The following PRKN variants were observed in gnomAD, a reference collection of about 807,000 sequenced individuals.
PRKN encodes the protein E3 ubiquitin-protein ligase parkin.
PRKN carries 56 observed loss-of-function variants against 59.5 expected under a neutral mutation model. The ratio of observed to expected loss-of-function variants is 0.94; its 90% confidence interval spans 0.76 to 1.18. The LOEUF is 1.18. Ranked by LOEUF, PRKN falls within the 50% of genes most tolerant of loss-of-function variation. The probability of loss-of-function intolerance (pLI) is 0.00; values close to 1 mark genes in which losing one functional copy is unlikely to be tolerated. For missense variants in PRKN, 657 were observed against 596.4 expected (o/e 1.10, Z -1.06); for synonymous variants, 250 against 222.1 (o/e 1.13, Z -1.12).
chr6:162,153,620 C>T (rs1782371711), intron 4 of PRKN, among the ~76,000 whole-genome samples: 1 of 152,076 alleles, frequency 6.6e-6, no homozygotes. Context: ...GTTACCTAGA[C>T]AAATGGAAGG....
chr6:161,614,999 G>A (rs113304850), intron 7 of PRKN, among the ~76,000 whole-genome samples: 1 of 139,474 alleles, frequency 7.2e-6, no homozygotes, highest in African/African-American at 2.8e-5. Flanking sequence ...GAGAGAGAGA[G>A]AACACTGAAA....
rs1013047143 is a variant in PRKN at position 161,582,350 on chromosome 6, C to CT, written c.872-12935dup. Among the ~76,000 whole-genome samples, 1 of 152,054 alleles carries CT rather than the reference C, an allele frequency of 6.6e-6. No homozygotes were observed. The highest frequency in any genetic ancestry group is 2.4e-5 in the African/African-American group (1 of 41,414). On this transcript the variant is annotated intron_variant, in intron 7 of 11. Coordinates refer to ENST00000366898, the MANE Select transcript of PRKN (RefSeq NM_004562.3). The surrounding 1 kb of genome is among the most constrained non-coding windows in gnomAD (Gnocchi z 4.4). ...AAGTTGAAAGTTCTTCTTTGAAGAT[C>CT]TATACATTACAATGTTGGGCGCAGC...
In PRKN at chr6:161,548,391, A is replaced by G. The variant is rs371263829; in HGVS notation, c.1083+463T>C. Among the ~76,000 whole-genome samples, 6 of 152,228 alleles carry G rather than the reference A, an allele frequency of 3.9e-5. No homozygotes were observed. The highest frequency in any genetic ancestry group is 1.4e-4 in the African/African-American group (6 of 41,466). On this transcript the variant is annotated intron_variant, in intron 9 of 11. Coordinates refer to ENST00000366898, the MANE Select transcript of PRKN (RefSeq NM_004562.3). The surrounding 1 kb of genome is among the most constrained non-coding windows in gnomAD (Gnocchi z 4.2). Reference sequence around the variant, plus strand: ...CTCTACTTAAAATGATTTTTATGACATAATAACATTTCAAGTTTTCCACAT... The same window carrying G: ...CTCTACTTAAAATGATTTTTATGACGTAATAACATTTCAAGTTTTCCACAT...
At chr6:161,570,291 TATA>T (rs1780840149) in intron 7 of PRKN, among the ~76,000 whole-genome samples, 1 of 146,700 alleles carries the variant, frequency 6.8e-6, no homozygotes, top group Non-Finnish European at 1.5e-5. Flanking sequence ...TATGTAAATA[TATA>T]ATTTTATAGA....
intron 4 of PRKN, among the ~76,000 whole-genome samples, chr6:162,154,969 C>CAA (rs1156918855): frequency 0.011 from 1,300 of 116,008 alleles, 19 homozygotes; most frequent in African/African-American, 0.037. Flanking sequence ...TCAGGTGATG[C>CAA]AAAAAAAAAA....
intron 7 of PRKN, among the ~76,000 whole-genome samples, chr6:161,725,535 A>G (rs973673773): frequency 1.3e-5 from 2 of 152,226 alleles, no homozygotes; most frequent in East Asian, 1.9e-4. Context: ...TTTAAGGTAC[A>G]AATTTCAAAG....
chr6:162,298,338 G>C lies in PRKN; in HGVS notation c.172-35573C>G, dbSNP rs554325005. Among the ~76,000 whole-genome samples the C allele has an allele frequency of 1.2e-3, 179 of 152,106 alleles. 1 individual carries two copies. The highest frequency in any genetic ancestry group is 6.8e-3 in the Middle Eastern group (2 of 294). ...CCAATTCTCATTAGCTCTGGGAACA[G>C]CATTTATTCCTCTTGTCCCTAAAGA... On this transcript the variant is annotated intron_variant, in intron 2 of 11. Coordinates refer to ENST00000366898, the MANE Select transcript of PRKN (RefSeq NM_004562.3).
chr6:162,358,394 T>C (rs1468583335), intron 2 of PRKN, among the ~76,000 whole-genome samples: 3 of 152,216 alleles, frequency 2.0e-5, no homozygotes, highest in Non-Finnish European at 2.9e-5. Flanking sequence ...CTTGGTATTT[T>C]ACTGTTTGAA....
rs368368643 is a variant in PRKN, at chr6:162,289,827, G to T, written c.172-27062C>A. On this transcript the variant is annotated intron_variant, in intron 2 of 11. Transcript: ENST00000366898. ...CTCTGCTGTGGCAGCAAGACACCAA[G>T]GTGACCCTCCCAATTTCAATAGCCG... Among the ~76,000 whole-genome samples the T allele has an allele frequency of 2.3e-4, 35 of 152,246 alleles. No homozygotes were observed. In the East Asian group the frequency reaches 5.2e-3, roughly 23 times the overall value.
intron 2 of PRKN, among the ~76,000 whole-genome samples, chr6:162,383,404 C>G (rs929024097): frequency 3.3e-5 from 5 of 152,118 alleles, no homozygotes; most frequent in African/African-American, 1.2e-4. Flanking sequence ...TCTTGGGTAA[C>G]CAGCTGCATC....
intron 6 of PRKN, among the ~76,000 whole-genome samples, chr6:161,910,005 G>T (rs906565724): frequency 6.6e-6 from 1 of 152,152 alleles, no homozygotes; most frequent in Non-Finnish European, 1.5e-5. Context: ...CAACATGAAG[G>T]GGAATTTGGA....
chr6:161,598,856 C>T (rs936001339), intron 7 of PRKN, among the ~76,000 whole-genome samples: 2 of 152,142 alleles, frequency 1.3e-5, no homozygotes, highest in African/African-American at 2.4e-5. Flanking sequence ...CAAGTCTTAA[C>T]CCTAAGTACC....
intron 9 of PRKN, among the ~76,000 whole-genome samples, chr6:161,496,447 G>A (rs1003971502): frequency 1.6e-4 from 24 of 152,362 alleles, no homozygotes; most frequent in Non-Finnish European, 2.1e-4. Flanking sequence ...CTGACTCACA[G>A]TTCCACATGG....
At chr6:161,620,006 T>G (rs1180017421) in intron 7 of PRKN, among the ~76,000 whole-genome samples, 3 of 73,136 alleles carry the variant, frequency 4.1e-5, no homozygotes, top group Admixed American at 3.7e-4. Context: ...TTTTTTTTTT[T>G]GGAGATGGAG....
At chr6:161,825,350 C>A (rs1292865386) in intron 6 of PRKN, among the ~76,000 whole-genome samples, 2 of 134,930 alleles carry the variant, frequency 1.5e-5, no homozygotes, top group Non-Finnish European at 3.4e-5. Context: ...CATTCTGTTT[C>A]TTAAAGAAGG....
chr6:162,237,629 G>A (rs1441793575), intron 3 of PRKN, among the ~76,000 whole-genome samples: 1 of 152,124 alleles, frequency 6.6e-6, no homozygotes, highest in African/African-American at 2.4e-5. Context: ...GTGGAGAAAG[G>A]AGGCATGCTT....
At chr6:162,485,634 C>G (rs143543998) in intron 1 of PRKN, among the ~76,000 whole-genome samples, 1 of 152,192 alleles carries the variant, frequency 6.6e-6, no homozygotes, top group Non-Finnish European at 1.5e-5. Context: ...GGATGCCACA[C>G]GTGGTTTAAC....
intron 6 of PRKN, among the ~76,000 whole-genome samples, chr6:161,874,742 T>C (rs1319877440): frequency 0.013 from 1,536 of 117,686 alleles, 153 homozygotes; most frequent in African/African-American, 0.053. Context: ...GTACTATATA[T>C]AAAATATATA....
chr6:161,867,629 T>C (rs990167938), intron 6 of PRKN, among the ~76,000 whole-genome samples: 3 of 152,168 alleles, frequency 2.0e-5, no homozygotes, highest in African/African-American at 7.2e-5. Flanking sequence ...AGATAAATAC[T>C]TGCCATAGTA....
Sources: allele counts gnomAD v4.1 joint callset (sites outside exome capture counted in the v4.1 genomes callset), GRCh38; gene constraint gnomAD v4.1.1; non-coding constraint Gnocchi (gnomAD v3.1); transcripts MANE v1.5; gene names NCBI Gene and HGNC (gene_info 2026-07-23, HGNC 2026-07-21).